The following STAG1 variants were observed in gnomAD, a reference collection of about 807,000 sequenced individuals.
STAG1 encodes the protein STAG1 cohesin complex component.
In STAG1, 26 loss-of-function variants were observed where a neutral mutation model predicts 170.9. That is an observed-to-expected ratio of 0.15 (90% CI 0.11 to 0.21). The LOEUF (loss-of-function observed/expected upper bound fraction) is 0.21. Ranked by LOEUF, STAG1 falls within the 10% of genes least tolerant of loss-of-function variation. The pLI is 1.00. For missense variants in STAG1, 964 were observed against 1,509.5 expected (o/e 0.64, Z 5.99); for synonymous variants, 514 against 497.7 (o/e 1.03, Z -0.44).
intron 6 of STAG1, among the ~76,000 whole-genome samples, chr3:136,541,045 T>A (rs1431330383): frequency 1.3e-5 from 2 of 152,000 alleles, no homozygotes; most frequent in East Asian, 3.9e-4. Flanking sequence ...AAACTAGTAG[T>A]TCCCAAGCTT....
chr3:136,600,866 G>GT (rs1332212687), intron 4 of STAG1, among the ~76,000 whole-genome samples: 3 of 146,504 alleles, frequency 2.0e-5, no homozygotes, highest in Non-Finnish European at 3.0e-5. Context: ...TTGTTTGTTT[G>GT]TTTGTTTTGT....
chr3:136,701,538 A>G (rs1943061369), intron 1 of STAG1, among the ~76,000 whole-genome samples: 1 of 152,190 alleles, frequency 6.6e-6, no homozygotes, highest in Non-Finnish European at 1.5e-5. Context: ...AAAAAATAAG[A>G]AAGATCTGAA....
chr3:136,676,150 T>G (rs1186299928), intron 1 of STAG1, among the ~76,000 whole-genome samples: 1 of 152,190 alleles, frequency 6.6e-6, no homozygotes, highest in African/African-American at 2.4e-5. Context: ...ATGGCACATC[T>G]ATATGGGGCA....
At chr3:136,417,827 T>C (rs954549458) in intron 21 of STAG1, 58 bp downstream of exon 21, 44 of 1,290,722 alleles carry the variant, frequency 3.4e-5, no homozygotes, top group East Asian at 4.6e-5. Context: ...GATAATCATA[T>C]GACTTCAGAA....
intron 4 of STAG1, among the ~76,000 whole-genome samples, chr3:136,578,611 A>G (rs1350278356): frequency 6.6e-6 from 1 of 152,224 alleles, no homozygotes; most frequent in Non-Finnish European, 1.5e-5. Context: ...TTAATTAGAG[A>G]TACTGTGCAT....
At chr3:136,502,147 G>A (rs982831095) in intron 8 of STAG1, among the ~76,000 whole-genome samples, 3 of 151,558 alleles carry the variant, frequency 2.0e-5, no homozygotes, top group African/African-American at 7.3e-5. Context: ...CATTGCACTC[G>A]AGCCTGGGCA....
At chr3:136,685,466 C>G (rs1942485859) in intron 1 of STAG1, among the ~76,000 whole-genome samples, 1 of 152,186 alleles carries the variant, frequency 6.6e-6, no homozygotes, top group Admixed American at 6.5e-5. Context: ...GATCCAGCAA[C>G]TGTACTTCTT....
intron 1 of STAG1, among the ~76,000 whole-genome samples, chr3:136,651,767 G>A (rs964800323): frequency 4.6e-5 from 7 of 152,076 alleles, no homozygotes; most frequent in African/African-American, 1.7e-4. Context: ...AACTTGGAAC[G>A]CTGCCCAATT....
At chr3:136,725,613 T>C (rs1408937637) in intron 1 of STAG1, among the ~76,000 whole-genome samples, 1 of 152,204 alleles carries the variant, frequency 6.6e-6, no homozygotes, top group Non-Finnish European at 1.5e-5. Context: ...AGCTGTATTA[T>C]GTTTTGTTAC....
intron 22 of STAG1, 123 bp from the exon 23 acceptor site, chr3:136,377,875 T>G (rs1311808538): frequency 1.5e-5 from 11 of 740,832 alleles, no homozygotes; most frequent in Non-Finnish European, 2.3e-6. Flanking sequence ...ATAACCAAAT[T>G]TAATGTTGGG....
intron 21 of STAG1, among the ~76,000 whole-genome samples, chr3:136,399,106 T>A (rs1056834643): frequency 9.8e-5 from 15 of 152,312 alleles, no homozygotes; most frequent in Non-Finnish European, 1.9e-4. Context: ...ATATTTTACT[T>A]AGTCAAATTT....
At chr3:136,687,177 A>G (rs1576764584) in intron 1 of STAG1, among the ~76,000 whole-genome samples, 1 of 152,320 alleles carries the variant, frequency 6.6e-6, no homozygotes, top group East Asian at 1.9e-4. Context: ...TTGTCCATGC[A>G]TATGGTTGAC....
In STAG1 at chr3:136,338,086, A is replaced by G; in HGVS notation, c.*168T>C. The stretch of plus-strand genomic sequence containing the variant: ...ACATTCACCAACATTCCCTTGGGTA[A>G]TTTACATGCTCCTCTTCTGTCACTG... On this transcript the variant is annotated 3_prime_UTR_variant, in exon 34 of 34. Transcript: ENST00000383202. 2 of 580,930 alleles carry G rather than the reference A, an allele frequency of 3.4e-6. No homozygotes were observed. Among genetic ancestry groups the G allele is most frequent in the South Asian group, 2.5e-5 (1 of 40,154 alleles). The allele number at this position is 580,930 out of a possible 1,614,324, so 36.0% of individuals were successfully genotyped here. A position where few individuals can be genotyped will look rare whatever the true frequency, so the allele number is the denominator to read the frequency against.
intron 26 of STAG1, among the ~76,000 whole-genome samples, chr3:136,361,418 C>T (rs1018863789): frequency 3.3e-5 from 5 of 152,102 alleles, no homozygotes; most frequent in Admixed American, 3.3e-4. Context: ...CTGTGCATAT[C>T]CATGTAGATA....
chr3:136,377,365 C>T (rs1489672898), intron 23 of STAG1, among the ~76,000 whole-genome samples: 2 of 85,468 alleles, frequency 2.3e-5, no homozygotes, highest in African/African-American at 4.9e-5. Context: ...CCAGCCTGGG[C>T]GACAGAGCGA....
chr3:136,569,913 G>A (rs1184223813), intron 4 of STAG1, among the ~76,000 whole-genome samples: 12 of 152,064 alleles, frequency 7.9e-5, no homozygotes, highest in Non-Finnish European at 1.5e-5. Flanking sequence ...TATCAATAAA[G>A]TCTGAGAGTC....
intron 24 of STAG1, 93 bp downstream of exon 24, chr3:136,369,015 C>T (rs1937189669): frequency 5.8e-6 from 7 of 1,211,546 alleles, no homozygotes; most frequent in South Asian, 4.4e-5. Context: ...AAAGAAATCT[C>T]GATAATTTTT....
chr3:136,688,333 T>C (rs936645085), intron 1 of STAG1, among the ~76,000 whole-genome samples: 2 of 152,190 alleles, frequency 1.3e-5, no homozygotes, highest in African/African-American at 4.8e-5. Context: ...GACTGTGGTG[T>C]TTCAGATCTT....
At chr3:136,343,721 C>T in intron 30 of STAG1, 111 bp downstream of exon 30, 1 of 773,572 alleles carries the variant, frequency 1.3e-6, no homozygotes, top group Non-Finnish European at 1.9e-6. Context: ...CCGTTTGTGG[C>T]TTATCATGAA....
Sources: allele counts gnomAD v4.1 joint callset (sites outside exome capture counted in the v4.1 genomes callset), GRCh38; gene constraint gnomAD v4.1.1; transcripts MANE v1.5; gene names NCBI Gene and HGNC (gene_info 2026-07-23, HGNC 2026-07-21).